Variants in SGCZ observed in about 807,000 individuals in gnomAD.
SGCZ encodes zeta-sarcoglycan.
A neutral mutation model predicts 41.3 loss-of-function variants in SGCZ; 40 were observed. That is an observed-to-expected ratio of 0.97 (90% CI 0.75 to 1.26). SGCZ has a LOEUF of 1.26. SGCZ is among the 50% of genes most tolerant of loss of function. The pLI is 0.00. For missense variants in SGCZ, 552 were observed against 369.8 expected (o/e 1.49, Z -4.04); for synonymous variants, 206 against 137.5 (o/e 1.50, Z -3.49).
Position 14,237,551 on chromosome 8 carries a change from A to T in SGCZ, c.424+41T>A, listed in dbSNP as rs763809269. The stretch of plus-strand genomic sequence containing the variant: ...AAAACCAAAAACAACAACAAAAAAA[A>T]CCAAGCACAGTAGGAGCAATCTTTA... On this transcript the variant is annotated intron_variant, in intron 4 of 7. Coordinates refer to ENST00000382080, the MANE Select transcript of SGCZ (RefSeq NM_139167.4). The T allele has an allele frequency of 1.6e-5, 25 of 1,558,184 alleles. 1 individual carries two copies. Among genetic ancestry groups the T allele is most frequent in the Non-Finnish European group, 2.0e-5 (23 of 1,140,858 alleles).
intron 1 of SGCZ, among the ~76,000 whole-genome samples, chr8:14,711,406 A>G (rs2117624874): frequency 6.7e-6 from 1 of 148,784 alleles, no homozygotes; most frequent in South Asian, 2.2e-4. Context: ...CCTGGCCAAC[A>G]TGGTAAAATC....
chr8:14,934,124 C>G (rs1264347896), intron 1 of SGCZ, among the ~76,000 whole-genome samples: 1 of 151,796 alleles, frequency 6.6e-6, no homozygotes, highest in Non-Finnish European at 1.5e-5. Flanking sequence ...AAAACATATC[C>G]TTTCTAGGGC....
At chr8:14,718,125 C>T (rs1185524820) in intron 1 of SGCZ, among the ~76,000 whole-genome samples, 2 of 151,500 alleles carry the variant, frequency 1.3e-5, no homozygotes, top group Non-Finnish European at 2.9e-5. Flanking sequence ...AAATGTTATA[C>T]TTTTTTTATA....
chr8:14,912,965 T>C (rs1334096191), intron 1 of SGCZ, among the ~76,000 whole-genome samples: 1 of 152,084 alleles, frequency 6.6e-6, no homozygotes, highest in Non-Finnish European at 1.5e-5. Flanking sequence ...TTAATCATTC[T>C]TGTTTGGTTT....
intron 1 of SGCZ, among the ~76,000 whole-genome samples, chr8:14,974,036 C>T (rs1332515942): frequency 1.3e-5 from 2 of 152,142 alleles, no homozygotes; most frequent in Non-Finnish European, 2.9e-5. Flanking sequence ...TATAAAGCAG[C>T]TGCTATCACC....
chr8:14,271,524 G>A (rs947411285), intron 3 of SGCZ, among the ~76,000 whole-genome samples: 1 of 152,178 alleles, frequency 6.6e-6, no homozygotes, highest in African/African-American at 2.4e-5. Flanking sequence ...CTTCACTGGA[G>A]GTGGGTTCTG....
At chr8:15,176,634 T>C (rs374918961) in intron 1 of SGCZ, among the ~76,000 whole-genome samples, 1 of 152,196 alleles carries the variant, frequency 6.6e-6, no homozygotes, top group African/African-American at 2.4e-5. Flanking sequence ...TGAAAATATA[T>C]ACTTAGAAAA....
chr8:14,260,615 A>T (rs1358040859), intron 3 of SGCZ, among the ~76,000 whole-genome samples: 2 of 149,514 alleles, frequency 1.3e-5, no homozygotes, highest in African/African-American at 2.4e-5. Flanking sequence ...CCAAAGGACT[A>T]TAAATCGTGC....
intron 1 of SGCZ, among the ~76,000 whole-genome samples, chr8:14,683,273 A>G (rs182932543): frequency 6.6e-6 from 1 of 152,308 alleles, no homozygotes; most frequent in East Asian, 1.9e-4. Flanking sequence ...CCCAACATTT[A>G]CCAGGAGTTA....
intron 7 of SGCZ, among the ~76,000 whole-genome samples, chr8:14,097,976 C>T (rs1801895840): frequency 6.6e-6 from 1 of 152,074 alleles, no homozygotes; most frequent in Non-Finnish European, 1.5e-5. Flanking sequence ...CTGCTGATCA[C>T]TTAAAGTGGT....
chr8:14,175,013 A>G (rs913404148), intron 4 of SGCZ, among the ~76,000 whole-genome samples: 1 of 152,102 alleles, frequency 6.6e-6, no homozygotes, highest in Non-Finnish European at 1.5e-5. Context: ...GGATATTTTT[A>G]TTGCCAAATA....
At chr8:14,580,957 A>G (rs1804868646) in intron 1 of SGCZ, among the ~76,000 whole-genome samples, 1 of 152,222 alleles carries the variant, frequency 6.6e-6, no homozygotes, top group Non-Finnish European at 1.5e-5. Context: ...AATTGAAATT[A>G]ACGGCAATTT....
At chr8:15,050,108 TATG>T (rs1456441011) in intron 1 of SGCZ, among the ~76,000 whole-genome samples, 1 of 152,056 alleles carries the variant, frequency 6.6e-6, no homozygotes, top group African/African-American at 2.4e-5. Context: ...CATGCACACA[TATG>T]ATGAAATGAA....
chr8:14,853,742 T>C (rs1244526768), intron 1 of SGCZ, among the ~76,000 whole-genome samples: 3 of 152,022 alleles, frequency 2.0e-5, no homozygotes, highest in Non-Finnish European at 4.4e-5. Flanking sequence ...AGTGAAACGC[T>C]TGGGAAAGGA....
intron 2 of SGCZ, among the ~76,000 whole-genome samples, chr8:14,483,679 G>A (rs1387605799): frequency 6.6e-6 from 1 of 152,144 alleles, no homozygotes; most frequent in Non-Finnish European, 1.5e-5. Context: ...TGTACTATGT[G>A]AATGATCACA....
intron 1 of SGCZ, among the ~76,000 whole-genome samples, chr8:14,569,185 A>G (rs1376138784): frequency 6.6e-6 from 1 of 152,196 alleles, no homozygotes; most frequent in African/African-American, 2.4e-5. Context: ...AAATTGAGCT[A>G]TTTAGTCATT....
chr8:14,830,018 T>C (rs1038438288), intron 1 of SGCZ, among the ~76,000 whole-genome samples: 1 of 152,136 alleles, frequency 6.6e-6, no homozygotes, highest in Non-Finnish European at 1.5e-5. Context: ...TTCACCGTGT[T>C]AGCCAGGGGT....
chr8:14,360,117 T>A (rs1032483604), intron 2 of SGCZ, among the ~76,000 whole-genome samples: 1 of 152,016 alleles, frequency 6.6e-6, no homozygotes, highest in African/African-American at 2.4e-5. Flanking sequence ...TGCATCAACA[T>A]AATAAAAAGC....
At position 14,972,519 on chromosome 8, in the gene SGCZ, T is replaced by C. The variant is rs1283217881; in HGVS notation, c.39+265066A>G. ...ATTAAATGTAATGTGACTATTGATA[T>C]GGTTAAATTTAAATCTATCATCTTG... is the stretch of plus-strand genomic sequence containing the variant. On this transcript the variant is annotated intron_variant, in intron 1 of 7. Coordinates refer to ENST00000382080, the MANE Select transcript of SGCZ (RefSeq NM_139167.4). Among the ~76,000 whole-genome samples the C allele has an allele frequency of 3.3e-5, 5 of 152,314 alleles. No individual in the cohort carries two copies. The East Asian group carries it at 9.6e-4, about 29-fold the overall frequency.
Sources: allele counts gnomAD v4.1 joint callset (sites outside exome capture counted in the v4.1 genomes callset), GRCh38; gene constraint gnomAD v4.1.1; transcripts MANE v1.5; gene names NCBI Gene and HGNC (gene_info 2026-07-23, HGNC 2026-07-21).